The following CDKAL1 variants were observed in gnomAD, a reference collection of about 807,000 sequenced individuals.
CDKAL1 encodes CDKAL1 threonylcarbamoyladenosine tRNA methylthiotransferase, also known as threonylcarbamoyladenosine tRNA methylthiotransferase.
A neutral mutation model predicts 68.2 loss-of-function variants in CDKAL1; 32 were observed. That is an observed-to-expected ratio of 0.47 (90% CI 0.35 to 0.63). The LOEUF is 0.63. CDKAL1 is among the 30% of genes least tolerant of loss of function. CDKAL1 has a pLI of 0.00. For missense variants in CDKAL1, 606 were observed against 696.7 expected (o/e 0.87, Z 1.47); for synonymous variants, 234 against 244.3 (o/e 0.96, Z 0.39).
At chr6:20,642,855 T>C (rs931413624) in intron 4 of CDKAL1, among the ~76,000 whole-genome samples, 2 of 152,110 alleles carry the variant, frequency 1.3e-5, no homozygotes, top group Non-Finnish European at 2.9e-5. Context: ...AAAGACTGTA[T>C]GCCACTGCCC....
In CDKAL1 at chr6:21,088,011, A is replaced by G. The variant is rs1047424077; in HGVS notation, c.1237-20390A>G. Among the ~76,000 whole-genome samples, 10 of 152,224 alleles carry G rather than the reference A, an allele frequency of 6.6e-5. No homozygotes were observed. In the East Asian group the frequency reaches 1.9e-3, roughly 29 times the overall value. ...GGCCATGGGTTGTTTAGGAAAAGGC[A>G]GTATTCGGGCAGGAAAACAGGGATA... On this transcript the variant is annotated intron_variant, in intron 12 of 15. Coordinates refer to ENST00000274695, the MANE Select transcript of CDKAL1 (RefSeq NM_017774.3).
At chr6:20,834,516 T>G (rs1174140248) in intron 8 of CDKAL1, among the ~76,000 whole-genome samples, 2 of 152,198 alleles carry the variant, frequency 1.3e-5, no homozygotes, top group Admixed American at 6.5e-5. Flanking sequence ...TGGTTTATTT[T>G]TGTTTTAACC....
At chr6:20,641,400 A>G (rs1768167434) in intron 4 of CDKAL1, among the ~76,000 whole-genome samples, 1 of 152,238 alleles carries the variant, frequency 6.6e-6, no homozygotes, top group Non-Finnish European at 1.5e-5. Flanking sequence ...TTAAAAAATT[A>G]TAAAAGTAGT....
At chr6:20,987,262 C>CT (rs1392710913) in intron 10 of CDKAL1, among the ~76,000 whole-genome samples, 2,670 of 135,870 alleles carry the variant, frequency 0.02, 61 homozygotes, top group African/African-American at 0.055. Flanking sequence ...TGTCTGGAAA[C>CT]TTTTTTTTTT....
chr6:20,768,126 T>G (rs1296004303), intron 7 of CDKAL1, among the ~76,000 whole-genome samples: 1 of 152,220 alleles, frequency 6.6e-6, no homozygotes, highest in African/African-American at 2.4e-5. Flanking sequence ...CACTGAAAAG[T>G]CAGCGCTGTG....
intron 10 of CDKAL1, among the ~76,000 whole-genome samples, chr6:20,982,195 A>T (rs1162183585): frequency 2.6e-5 from 4 of 151,790 alleles, no homozygotes; most frequent in Non-Finnish European, 5.9e-5. Flanking sequence ...GCCTCCTGAG[A>T]TTACAGGGGT....
intron 5 of CDKAL1, among the ~76,000 whole-genome samples, chr6:20,732,236 CTTTTTTTCTTTTTCT>C (rs1356660342): frequency 1.5e-4 from 20 of 129,496 alleles, no homozygotes; most frequent in African/African-American, 4.7e-4. Context: ...TTTTCCTTTT[CTTTTTTTCTTTTTCT>C]TTTCTTTCTT....
chr6:20,576,756 C>T (rs905886199), intron 4 of CDKAL1, among the ~76,000 whole-genome samples: 1 of 152,126 alleles, frequency 6.6e-6, no homozygotes, highest in Non-Finnish European at 1.5e-5. Flanking sequence ...CTGACACCTC[C>T]CACTTGACTG....
intron 10 of CDKAL1, among the ~76,000 whole-genome samples, chr6:20,975,044 A>G (rs1056284653): frequency 6.8e-6 from 1 of 146,152 alleles, no homozygotes; most frequent in South Asian, 2.1e-4. Context: ...CTCCAAAACA[A>G]GAAGACTGTT....
intron 9 of CDKAL1, among the ~76,000 whole-genome samples, chr6:20,880,752 A>G (rs1760771295): frequency 1.3e-5 from 2 of 152,180 alleles, no homozygotes; most frequent in Admixed American, 1.3e-4. Flanking sequence ...TAAAAGTCAG[A>G]TAATTGACAT....
chr6:20,748,815 G>T (rs968983627), intron 6 of CDKAL1, among the ~76,000 whole-genome samples: 2 of 146,486 alleles, frequency 1.4e-5, no homozygotes, highest in African/African-American at 5.2e-5. Context: ...TCCTTTTACA[G>T]ATCAGTGGAG....
intron 9 of CDKAL1, among the ~76,000 whole-genome samples, chr6:20,922,417 T>G (rs1762999284): frequency 6.6e-6 from 1 of 152,172 alleles, no homozygotes; most frequent in South Asian, 2.1e-4. Flanking sequence ...AACAATGAAC[T>G]CACCTAAGAC....
intron 15 of CDKAL1, among the ~76,000 whole-genome samples, chr6:21,207,944 G>A (rs1201451566): frequency 6.6e-6 from 1 of 152,046 alleles, no homozygotes; most frequent in Non-Finnish European, 1.5e-5. Context: ...ATTAACAGAA[G>A]GAGATTCCAA....
intron 13 of CDKAL1, among the ~76,000 whole-genome samples, chr6:21,114,399 A>G (rs1562042666): frequency 1.3e-5 from 2 of 152,252 alleles, no homozygotes; most frequent in African/African-American, 4.8e-5. Context: ...GCTATAAAAT[A>G]TTAGTCTTTG....
chr6:21,193,143 A>C (rs1778328787), intron 13 of CDKAL1, among the ~76,000 whole-genome samples: 1 of 152,124 alleles, frequency 6.6e-6, no homozygotes, highest in Non-Finnish European at 1.5e-5. Flanking sequence ...AGATTTTGGC[A>C]GGCTTCTTTA....
At chr6:20,854,172 A>G (rs1759199022) in intron 9 of CDKAL1, among the ~76,000 whole-genome samples, 1 of 152,226 alleles carries the variant, frequency 6.6e-6, no homozygotes, top group Admixed American at 6.5e-5. Flanking sequence ...GTATGCAGAA[A>G]CAGACACCAA....
intron 13 of CDKAL1, among the ~76,000 whole-genome samples, chr6:21,190,122 G>A (rs1778175208): frequency 6.6e-6 from 1 of 151,590 alleles, no homozygotes; most frequent in Non-Finnish European, 1.5e-5. Context: ...GTTCCAGGCA[G>A]CTTAGGGGGG....
chr6:20,704,125 G>C (rs1771494830), intron 5 of CDKAL1, among the ~76,000 whole-genome samples: 1 of 152,136 alleles, frequency 6.6e-6, no homozygotes, highest in Non-Finnish European at 1.5e-5. Context: ...TACTTAATGA[G>C]CTTATGTGGG....
At chr6:20,838,341 TTGTC>T (rs1344360853) in intron 8 of CDKAL1, among the ~76,000 whole-genome samples, 1 of 152,114 alleles carries the variant, frequency 6.6e-6, no homozygotes, top group Admixed American at 6.6e-5. Context: ...CAGTGTCACT[TTGTC>T]TGGGTCTCAG....
Sources: gnomAD v4.1 joint callset for allele counts (sites outside exome capture counted in the v4.1 genomes callset) on GRCh38, gnomAD v4.1.1 for gene constraint, MANE v1.5 for transcripts, NCBI Gene and HGNC (gene_info 2026-07-23, HGNC 2026-07-21) for gene names.